The following ATG14 variants were observed in gnomAD, a reference collection of about 807,000 sequenced individuals.
ATG14 encodes autophagy related 14.
ATG14 carries 35 observed loss-of-function variants against 60.4 expected under a neutral mutation model. That is an observed-to-expected ratio of 0.58 (90% CI 0.44 to 0.77). The LOEUF (loss-of-function observed/expected upper bound fraction) is 0.77, where lower values mean the gene tolerates loss of function less well. ATG14 is among the 30% of genes least tolerant of loss of function. The pLI, the probability that ATG14 is intolerant of heterozygous loss-of-function variation, is 0.00. For synonymous variants in ATG14, 234 were observed against 228.8 expected (o/e 1.02, Z -0.21); for missense variants, 647 against 626.3 (o/e 1.03, Z -0.35).
chr14:55,386,188 T>G (rs1885123490), intron 4 of ATG14, 92 bp from the exon 5 acceptor site: 1 of 1,138,902 alleles, frequency 8.8e-7, no homozygotes, highest in Non-Finnish European at 1.3e-6. Context: ...TGTTTTCCCT[T>G]GCAATCTAAA....
At chr14:55,371,686 C>T (rs925086701) in intron 9 of ATG14, among the ~76,000 whole-genome samples, 3 of 152,252 alleles carry the variant, frequency 2.0e-5, no homozygotes, top group African/African-American at 2.4e-5. Flanking sequence ...CACCTGTAGT[C>T]CCGGCTACTC....
At position 55,411,780 on chromosome 14, in the gene ATG14, G is replaced by A. The variant is rs1019115149; in HGVS notation, c.43C>T (p.Pro15Ser). Residue 15 changes from proline to serine, a missense_variant, in exon 1 of 10, where the codon CCT (proline) becomes TCT (serine). Physicochemically the swap from Pro to Ser is moderately conservative, Grantham distance 74. Transcript: ENST00000247178. ...SGKGARALEAPGCGPRPLARD... is the reference protein window; with the variant it reads ...SGKGARALEASGCGPRPLARD... ...GCGAGCGGCCGGGGCCCGCAGCCAGGAGCCTCCAGCGCCCGGGCTCCCTTC... is the reference window on the plus strand; with the variant it reads ...GCGAGCGGCCGGGGCCCGCAGCCAGAAGCCTCCAGCGCCCGGGCTCCCTTC... 3.1e-6 allele frequency: 5 copies of A among 1,604,510 alleles called. No homozygotes were observed. The highest frequency in any genetic ancestry group is 4.5e-5 in the East Asian group (2 of 44,574).
At chr14:55,379,065 T>C (rs1315839102) in intron 7 of ATG14, among the ~76,000 whole-genome samples, 2 of 152,120 alleles carry the variant, frequency 1.3e-5, no homozygotes, top group African/African-American at 4.8e-5. Context: ...TGACATGCTG[T>C]TGATTTGTTT....
chr14:55,383,686 T>A (rs769514739), intron 5 of ATG14, among the ~76,000 whole-genome samples: 3 of 151,922 alleles, frequency 2.0e-5, no homozygotes, highest in Non-Finnish European at 4.4e-5. Context: ...GGTGGACTGC[T>A]TGAGCTCACG....
intron 3 of ATG14, among the ~76,000 whole-genome samples, chr14:55,392,168 A>G (rs1885229172): frequency 6.6e-6 from 1 of 152,176 alleles, no homozygotes. Context: ...TCCATAATAG[A>G]GTTCGCACTC....
chr14:55,407,990 C>G (rs1207864015), intron 1 of ATG14, among the ~76,000 whole-genome samples: 1 of 152,132 alleles, frequency 6.6e-6, no homozygotes, highest in Non-Finnish European at 1.5e-5. Flanking sequence ...AGGCCTACAA[C>G]TGTGGAGCAG....
intron 1 of ATG14, among the ~76,000 whole-genome samples, chr14:55,402,927 A>ATT (rs1885427649): frequency 1.1e-4 from 1 of 8,928 alleles, no homozygotes; most frequent in Admixed American, 1.2e-3. Context: ...AAAAAAAAAA[A>ATT]TATATATATA....
At chr14:55,374,651 C>T (rs995816442) in intron 9 of ATG14, among the ~76,000 whole-genome samples, 1 of 152,116 alleles carries the variant, frequency 6.6e-6, no homozygotes, top group African/African-American at 2.4e-5. Context: ...TATTTTATAG[C>T]TGTATTTTTT....
intron 9 of ATG14, 129 bp downstream of exon 9, chr14:55,377,690 T>C: frequency 1.8e-6 from 1 of 558,070 alleles, no homozygotes; most frequent in Non-Finnish European, 3.1e-6. Flanking sequence ...CTTTCTGTAT[T>C]GGACTCCACT....
intron 4 of ATG14, 80 bp from the exon 5 acceptor site, chr14:55,386,176 C>T (rs942396105): frequency 5.1e-5 from 61 of 1,207,418 alleles, no homozygotes; most frequent in Non-Finnish European, 5.8e-5. Context: ...CACAAACATG[C>T]GTGTTTTCCC....
intron 1 of ATG14, among the ~76,000 whole-genome samples, chr14:55,403,861 A>C (rs1254131030): frequency 6.6e-6 from 1 of 152,250 alleles, no homozygotes; most frequent in East Asian, 1.9e-4. Flanking sequence ...TCAAAATTTC[A>C]AATGTCATAT....
chr14:55,397,578 G>A, intron 1 of ATG14, 144 bp from the exon 2 acceptor site: 2 of 670,154 alleles, frequency 3.0e-6, no homozygotes, highest in East Asian at 2.7e-5. Context: ...TTCTCAACGG[G>A]GTGCACACAA....
intron 5 of ATG14, 108 bp from the exon 6 acceptor site, chr14:55,382,299 A>C (rs1885050020): frequency 4.6e-6 from 4 of 863,380 alleles, no homozygotes; most frequent in Non-Finnish European, 7.2e-6. Flanking sequence ...ATGAGCACAG[A>C]AATTTTACAT....
intron 5 of ATG14, among the ~76,000 whole-genome samples, chr14:55,382,968 T>C (rs1477456696): frequency 2.0e-5 from 3 of 152,232 alleles, no homozygotes; most frequent in Admixed American, 6.5e-5. Flanking sequence ...AACAAAAAAT[T>C]AGTAAAGAGT....
intron 5 of ATG14, among the ~76,000 whole-genome samples, chr14:55,382,874 A>G (rs971337784): frequency 4.6e-5 from 7 of 152,204 alleles, no homozygotes; most frequent in Non-Finnish European, 7.3e-5. Context: ...ACTGATACTG[A>G]ATTAGAAATA....
In ATG14 at chr14:55,380,712, C is replaced by G. The variant is rs1003886077; in HGVS notation, c.878-22G>C. The G allele has an allele frequency of 5.9e-6, 9 of 1,513,702 alleles. 1 individual carries two copies. The Admixed American group carries it at 1.1e-4, about 19-fold the overall frequency. 93.8% of individuals were successfully genotyped at this position (1,513,702 alleles called of 1,614,324 possible). On this transcript the variant is annotated intron_variant, in intron 6 of 9. Coordinates refer to ENST00000247178, the MANE Select transcript of ATG14 (RefSeq NM_014924.5). ...ATGTCTGCAGTAAGAAAACAACCAC[C>G]ATGTACAAAACCTTAATTCCAACAA...
rs543994653 is a variant in ATG14, at chr14:55,368,028, A to G, written c.*1591T>C. On this transcript the variant is annotated 3_prime_UTR_variant, in exon 10 of 10. Transcript: ENST00000247178. The stretch of plus-strand genomic sequence containing the variant: ...TGCTATCATGCCAATCACATAAGAT[A>G]TGGTAATAATGCCTGTTAGGACTCT... 21 of 152,770 alleles carry G rather than the reference A, an allele frequency of 1.4e-4. No homozygotes were observed. The highest frequency in any genetic ancestry group is 4.8e-4 in the African/African-American group (20 of 41,580). The allele number at this position is 152,770 out of a possible 1,614,324, so 9.5% of individuals were successfully genotyped here. A position where few individuals can be genotyped will look rare whatever the true frequency, so the allele number is the denominator to read the frequency against.
intron 4 of ATG14, among the ~76,000 whole-genome samples, chr14:55,386,778 C>T (rs1272362323): frequency 1.3e-5 from 2 of 152,198 alleles, no homozygotes; most frequent in African/African-American, 4.8e-5. Flanking sequence ...CTTTTGAGTT[C>T]TGGATCCTAC....
chr14:55,378,274 C>T (rs1370516544), intron 7 of ATG14, among the ~76,000 whole-genome samples, 200 bp from the exon 8 acceptor site: 1 of 152,216 alleles, frequency 6.6e-6, no homozygotes, highest in Non-Finnish European at 1.5e-5. Context: ...TACAAATGCA[C>T]ATACCCTTTG....
Sources: gnomAD v4.1 joint callset for allele counts (sites outside exome capture counted in the v4.1 genomes callset) on GRCh38, gnomAD v4.1.1 for gene constraint, MANE v1.5 for transcripts, NCBI Gene and HGNC (gene_info 2026-07-23, HGNC 2026-07-21) for gene names.